Variants in FOXK2 observed in about 807,000 individuals in gnomAD.
FOXK2 encodes forkhead box protein K2.
Under a neutral mutation model 53.3 loss-of-function variants are expected in FOXK2, and 24 were observed. The ratio of observed to expected loss-of-function variants is 0.45; its 90% confidence interval spans 0.33 to 0.63. The LOEUF (loss-of-function observed/expected upper bound fraction) is 0.63. Ranked by LOEUF, FOXK2 falls within the 30% of genes least tolerant of loss-of-function variation. FOXK2 has a pLI of 0.03. For missense variants in FOXK2, 952 were observed against 910.5 expected (o/e 1.05, Z -0.59); for synonymous variants, 505 against 407.1 (o/e 1.24, Z -2.89).
chr17:82,547,142 G>C (rs2044634314), intron 1 of FOXK2, among the ~76,000 whole-genome samples: 1 of 151,630 alleles, frequency 6.6e-6, no homozygotes, highest in African/African-American at 2.4e-5. Flanking sequence ...AGTGTATACT[G>C]TCTATTACTA....
chr17:82,544,308 TTC>T (rs1043429099), intron 1 of FOXK2, among the ~76,000 whole-genome samples: 10 of 152,252 alleles, frequency 6.6e-5, no homozygotes, highest in Admixed American at 3.9e-4. Flanking sequence ...ATTGATCATC[TTC>T]TCTGGACAGT....
intron 4 of FOXK2, among the ~76,000 whole-genome samples, chr17:82,581,201 G>A (rs1269384972): frequency 1.3e-5 from 2 of 152,200 alleles, no homozygotes; most frequent in African/African-American, 2.4e-5. Context: ...ACACATTAAT[G>A]TAAATTCACG....
intron 1 of FOXK2, among the ~76,000 whole-genome samples, chr17:82,537,782 C>T (rs191924057): frequency 1.2e-4 from 18 of 151,744 alleles, no homozygotes; most frequent in African/African-American, 3.9e-4. Flanking sequence ...ATTAGCCGGG[C>T]GTGGTGGTAC....
At chr17:82,529,666 G>A (rs934286159) in intron 1 of FOXK2, among the ~76,000 whole-genome samples, 4 of 152,174 alleles carry the variant, frequency 2.6e-5, no homozygotes, top group African/African-American at 7.2e-5. Context: ...GATTACAGGC[G>A]TGAGCCATGG....
chr17:82,587,143 C>G lies in FOXK2; in HGVS notation c.1657C>G (p.Pro553Ala), dbSNP rs1321723575. The G allele has an allele frequency of 1.2e-6, 2 of 1,613,168 alleles. No homozygotes were observed. Among genetic ancestry groups the G allele is most frequent in the East Asian group, 4.5e-5 (2 of 44,890 alleles). The change falls in exon 8 of 9, where the codon CCG becomes GCG. Residue 553 changes from proline to alanine, a missense_variant. Coordinates refer to ENST00000335255, the MANE Select transcript of FOXK2 (RefSeq NM_004514.4). ...SRIIQTAQTT[P>A]VQTVTIVQQA... ...GATCATTCAGACGGCACAGACCACC[C>G]CGGTCCAGACGGTGACCATAGTACA...
intron 1 of FOXK2, among the ~76,000 whole-genome samples, chr17:82,538,519 G>A (rs1379518470): frequency 6.6e-6 from 1 of 152,170 alleles, no homozygotes; most frequent in African/African-American, 2.4e-5. Context: ...TTTGTCAAAG[G>A]AAAAATTACC....
rs556145338 is a variant in FOXK2 at position 82,557,893 on chromosome 17, T to C, written c.420-5461T>C. On this transcript the variant is annotated intron_variant, in intron 1 of 8. Coordinates refer to ENST00000335255, the MANE Select transcript of FOXK2 (RefSeq NM_004514.4). ...GTCTTGAACTCCTGGGCTCAAGTGA[T>C]CTTCCTGCTTTGGCCTCCCTCAATG... 6.6e-5 allele frequency among the ~76,000 whole-genome samples: 10 copies of C among 152,262 alleles called. No individual in the cohort carries two copies. The East Asian group carries it at 1.9e-3, about 30-fold the overall frequency.
In FOXK2 at chr17:82,563,393, G is replaced by A. The variant is rs776448719; in HGVS notation, c.459G>A (p.Thr153=). The change falls in exon 2 of 9, where the codon ACG becomes ACA. Residue 153 remains threonine, a synonymous_variant. Transcript: ENST00000335255. The part of the protein sequence containing the change: ...FRFPSTNIKI[T]FTALSSEKRE... ...TCCCGAGCACAAACATCAAGATAAC[G>A]TTCACTGCCCTGTCCAGCGAGAAGA... 1.2e-6 allele frequency: 2 copies of A among 1,613,966 alleles called. No homozygotes were observed. The highest frequency in any genetic ancestry group is 1.7e-5 in the Admixed American group (1 of 59,960).
At chr17:82,561,074 A>G (rs906628491) in intron 1 of FOXK2, among the ~76,000 whole-genome samples, 1 of 152,190 alleles carries the variant, frequency 6.6e-6, no homozygotes, top group Non-Finnish European at 1.5e-5. Context: ...CTGAAGGTGA[A>G]CAAGCAAAGA....
intron 1 of FOXK2, among the ~76,000 whole-genome samples, chr17:82,547,350 CAA>C (rs2044636290): frequency 6.6e-6 from 1 of 152,008 alleles, no homozygotes; most frequent in Admixed American, 6.6e-5. Context: ...TCTACACTAA[CAA>C]GAGCTGGTAA....
At chr17:82,586,627 T>C (rs35587905) in intron 7 of FOXK2, among the ~76,000 whole-genome samples, 5,211 of 151,474 alleles carry the variant, frequency 0.034, 326 homozygotes, top group African/African-American at 0.12. Flanking sequence ...CTTGGCCAGG[T>C]ACAGTGGCTC....
chr17:82,543,217 A>G (rs8064554), intron 1 of FOXK2, among the ~76,000 whole-genome samples: 67,069 of 152,096 alleles, frequency 0.44, 14,978 homozygotes, highest in South Asian at 0.56. Flanking sequence ...AAAACTGGAC[A>G]TGCTATCAGA....
intron 3 of FOXK2, among the ~76,000 whole-genome samples, chr17:82,568,510 G>T (rs183581824): frequency 2.4e-4 from 37 of 152,318 alleles, no homozygotes; most frequent in Non-Finnish European, 3.7e-4. Context: ...ATGTGTGTTT[G>T]TGCCGGAGTT....
At chr17:82,529,862 AC>A (rs750039654) in intron 1 of FOXK2, among the ~76,000 whole-genome samples, 159 of 151,322 alleles carry the variant, frequency 1.1e-3, no homozygotes, top group Middle Eastern at 3.6e-3. Context: ...TAACATTGTT[AC>A]GTTTGTAATG....
chr17:82,583,988 C>G, intron 5 of FOXK2, 25 bp from the exon 6 acceptor site: 1 of 1,566,680 alleles, frequency 6.4e-7, no homozygotes, highest in Non-Finnish European at 8.7e-7. Flanking sequence ...TGTAACCATG[C>G]AATGTCTTCT....
At chr17:82,565,916 A>G (rs1451040653) in intron 2 of FOXK2, among the ~76,000 whole-genome samples, 1 of 152,254 alleles carries the variant, frequency 6.6e-6, no homozygotes, top group African/African-American at 2.4e-5. Context: ...AATATTATTC[A>G]GCCTTAAAAA....
Position 82,586,118 on chromosome 17 carries a change from A to G in FOXK2, c.1494A>G (p.Gly498=). Residue 498 remains glycine (G), a synonymous_variant, in exon 7 of 9, where the codon GGA becomes GGG. Transcript: ENST00000335255. ...CAGCGAACACGTACACTGTCTCTGGACAAGCTGTGGTCACCCCGGCAGCCG... is the reference window on the plus strand; with the variant it reads ...CAGCGAACACGTACACTGTCTCTGGGCAAGCTGTGGTCACCCCGGCAGCCG... ...LAPANTYTVS[G]QAVVTPAAVL... 6.2e-7 allele frequency: 1 copy of G among 1,612,712 alleles called. No individual in the cohort carries two copies. The highest frequency in any genetic ancestry group is 1.1e-5 in the South Asian group (1 of 91,076).
chr17:82,592,808 C>G (rs567949886), intron 8 of FOXK2, among the ~76,000 whole-genome samples: 19 of 152,310 alleles, frequency 1.2e-4, no homozygotes, highest in African/African-American at 4.3e-4. Context: ...GCCCAGTTCG[C>G]GCTGGCAGAG....
intron 3 of FOXK2, among the ~76,000 whole-genome samples, chr17:82,569,395 T>C (rs1409934917): frequency 6.6e-6 from 1 of 152,186 alleles, no homozygotes; most frequent in South Asian, 2.1e-4. Context: ...TGCAGCCAAG[T>C]GGTAAAACGT....
Sources: gnomAD v4.1 joint callset for allele counts (sites outside exome capture counted in the v4.1 genomes callset) on GRCh38, gnomAD v4.1.1 for gene constraint, MANE v1.5 for transcripts, NCBI Gene and HGNC (gene_info 2026-07-23, HGNC 2026-07-21) for gene names.